Variants in CHN1 observed in about 807,000 individuals in gnomAD.
The protein encoded by CHN1 is N-chimaerin.
In CHN1, 37 loss-of-function variants were observed where a neutral mutation model predicts 59.5. That is an observed-to-expected ratio of 0.62 (90% CI 0.48 to 0.82). The LOEUF (loss-of-function observed/expected upper bound fraction) is 0.82. Among genes scored for constraint, CHN1 ranks in the 40% least tolerant of loss-of-function variants. The pLI, the probability that CHN1 is intolerant of heterozygous loss-of-function variation, is 0.00. For missense variants in CHN1, 469 were observed against 571.0 expected, an observed-to-expected ratio of 0.82 and a Z score of 1.82; for synonymous variants, 206 against 200.4, an observed-to-expected ratio of 1.03 and a Z score of -0.24.
At chr2:174,844,808 AT>A (rs1686451830) in intron 7 of CHN1, among the ~76,000 whole-genome samples, 1 of 152,186 alleles carries the variant, frequency 6.6e-6, no homozygotes, top group African/African-American at 2.4e-5. Context: ...CAATTCCGAG[AT>A]TTCTGACCTT....
chr2:174,941,223 T>C (rs1689652870), intron 3 of CHN1, among the ~76,000 whole-genome samples: 2 of 152,128 alleles, frequency 1.3e-5, no homozygotes, highest in African/African-American at 4.8e-5. Flanking sequence ...ACACAATATG[T>C]TCCAGGACTT....
At chr2:174,808,430 C>T (rs1490314566) in intron 11 of CHN1, among the ~76,000 whole-genome samples, 6 of 152,142 alleles carry the variant, frequency 3.9e-5, no homozygotes, top group Non-Finnish European at 5.9e-5. Context: ...ACTACAGGCG[C>T]GTGCCACCAC....
intron 5 of CHN1, among the ~76,000 whole-genome samples, chr2:174,895,769 A>G (rs941486729): frequency 1.3e-5 from 2 of 152,136 alleles, no homozygotes; most frequent in African/African-American, 4.8e-5. Flanking sequence ...TGAAATCTCA[A>G]TCCCTTCAGA....
chr2:174,985,586 T>A (rs1204254798), intron 1 of CHN1, among the ~76,000 whole-genome samples: 1 of 152,176 alleles, frequency 6.6e-6, no homozygotes, highest in African/African-American at 2.4e-5. Flanking sequence ...ACAAGCCTCA[T>A]AAATCATATT....
chr2:174,843,935 ATTTTT>A (rs1198340833), intron 7 of CHN1, among the ~76,000 whole-genome samples: 6 of 151,306 alleles, frequency 4.0e-5, no homozygotes, highest in African/African-American at 1.5e-4. Context: ...CCTGAGTTTT[ATTTTT>A]AATGTTAGAG....
rs114251207 is a variant in CHN1 at position 174,939,222 on chromosome 2, G to C, written c.114+5666C>G. Among the ~76,000 whole-genome samples the C allele has an allele frequency of 6.7e-3, 1,018 of 152,264 alleles. 5 individuals carry two copies. Among genetic ancestry groups the C allele is most frequent in the African/African-American group, 0.024 (986 of 41,556 alleles). On this transcript the variant is annotated intron_variant, in intron 3 of 12. Coordinates refer to ENST00000409900, the MANE Select transcript of CHN1 (RefSeq NM_001822.7). ...GTATATTATTCTATCTTGTGTCTTT[G>C]CATCAAGGTGAATCATCAGAAAGCT...
intron 4 of CHN1, among the ~76,000 whole-genome samples, chr2:174,917,452 T>G (rs1000457636): frequency 6.6e-6 from 1 of 151,636 alleles, no homozygotes; most frequent in Non-Finnish European, 1.5e-5. Flanking sequence ...AAAAATTCAA[T>G]TAACTTAAAA....
At chr2:174,958,934 G>C (rs947624366) in intron 1 of CHN1, among the ~76,000 whole-genome samples, 1 of 152,094 alleles carries the variant, frequency 6.6e-6, no homozygotes, top group African/African-American at 2.4e-5. Context: ...ATGTACACCT[G>C]CTCTGTTATA....
At chr2:175,001,007 C>T (rs1381260786) in intron 1 of CHN1, among the ~76,000 whole-genome samples, 1 of 152,194 alleles carries the variant, frequency 6.6e-6, no homozygotes, top group Non-Finnish European at 1.5e-5. Flanking sequence ...CAGTCTTGAA[C>T]TTCTGAACTC....
intron 5 of CHN1, among the ~76,000 whole-genome samples, chr2:174,912,285 A>C (rs1688727139): frequency 6.6e-6 from 1 of 152,252 alleles, no homozygotes; most frequent in Non-Finnish European, 1.5e-5. Flanking sequence ...AGTATAATGT[A>C]AGGTAGGGGC....
chr2:174,898,144 G>A (rs1209083967), intron 5 of CHN1, among the ~76,000 whole-genome samples: 1 of 152,048 alleles, frequency 6.6e-6, no homozygotes, highest in East Asian at 1.9e-4. Context: ...ATAAAGTCTG[G>A]TGCCTTGCAG....
chr2:174,821,067 A>G (rs867693079), intron 8 of CHN1, among the ~76,000 whole-genome samples: 2 of 152,204 alleles, frequency 1.3e-5, no homozygotes, highest in Non-Finnish European at 2.9e-5. Flanking sequence ...TGGTTAGTGC[A>G]TTAGTTTACA....
intron 1 of CHN1, among the ~76,000 whole-genome samples, chr2:174,975,658 A>AC (rs201522202): frequency 0.052 from 7,846 of 150,030 alleles, 722 homozygotes; most frequent in African/African-American, 0.18. Flanking sequence ...AAACAAACAA[A>AC]AAAAAAAAAA....
At chr2:174,956,393 C>G (rs1469975891) in intron 1 of CHN1, among the ~76,000 whole-genome samples, 1 of 152,066 alleles carries the variant, frequency 6.6e-6, no homozygotes. Context: ...AAACTCAAAT[C>G]TACATAAAGA....
At chr2:174,994,779 G>A (rs1354528137) in intron 1 of CHN1, among the ~76,000 whole-genome samples, 1 of 152,198 alleles carries the variant, frequency 6.6e-6, no homozygotes, top group East Asian at 1.9e-4. Flanking sequence ...AGCCCAGCAT[G>A]GCTGAAGCAC....
At chr2:174,808,883 A>C (rs1684987753) in intron 11 of CHN1, 22 bp downstream of exon 11, 1 of 1,612,298 alleles carries the variant, frequency 6.2e-7, no homozygotes, top group Admixed American at 1.7e-5. Flanking sequence ...AGGTTATTTG[A>C]AATACATGCA....
At chr2:174,868,071 T>A (rs192640355) in intron 6 of CHN1, among the ~76,000 whole-genome samples, 1 of 152,296 alleles carries the variant, frequency 6.6e-6, no homozygotes, top group African/African-American at 2.4e-5. Context: ...AGTAAGCCCC[T>A]TCCTTCTTTC....
intron 3 of CHN1, among the ~76,000 whole-genome samples, chr2:174,922,826 G>T (rs1245225029): frequency 6.6e-6 from 1 of 151,978 alleles, no homozygotes; most frequent in Non-Finnish European, 1.5e-5. Flanking sequence ...TAGATCTATT[G>T]AGACTAACAT....
intron 11 of CHN1, 129 bp downstream of exon 11, chr2:174,808,776 T>G (rs1216045229): frequency 1.1e-6 from 1 of 942,016 alleles, no homozygotes; most frequent in African/African-American, 1.6e-5. Context: ...TTCTTGTAAG[T>G]ACATTAACCA....
Sources: allele counts gnomAD v4.1 joint callset (sites outside exome capture counted in the v4.1 genomes callset), GRCh38; gene constraint gnomAD v4.1.1; transcripts MANE v1.5; gene names NCBI Gene and HGNC (gene_info 2026-07-23, HGNC 2026-07-21).